Variants in ATL2 observed in about 807,000 individuals in gnomAD.
The protein encoded by ATL2 is atlastin-2.
Under a neutral mutation model 73.9 loss-of-function variants are expected in ATL2, and 31 were observed. That is an observed-to-expected ratio of 0.42 (90% CI 0.32 to 0.57). The LOEUF (loss-of-function observed/expected upper bound fraction) is 0.57. ATL2 is among the 20% of genes least tolerant of loss of function. The pLI is 0.14. For synonymous variants in ATL2, 291 were observed against 237.5 expected (o/e 1.23, Z -2.07); for missense variants, 738 against 702.6 (o/e 1.05, Z -0.57).
chr2:38,327,212 A>C (rs1246907975), intron 2 of ATL2, among the ~76,000 whole-genome samples: 1 of 152,154 alleles, frequency 6.6e-6, no homozygotes, highest in African/African-American at 2.4e-5. Flanking sequence ...AAATCTACAT[A>C]AAGAGAAAGA....
chr2:38,324,789 A>C (rs1377382392), intron 2 of ATL2, among the ~76,000 whole-genome samples: 1 of 152,244 alleles, frequency 6.6e-6, no homozygotes. Flanking sequence ...GCCACACACA[A>C]AAGGACAAAT....
intron 1 of ATL2, among the ~76,000 whole-genome samples, chr2:38,359,992 T>G (rs765526061): frequency 9.2e-5 from 14 of 151,722 alleles, no homozygotes; most frequent in Non-Finnish European, 1.9e-4. Context: ...TAGCTGGGCG[T>G]GGTGGCAGAT....
At chr2:38,370,546 G>A (rs576167385) in intron 1 of ATL2, among the ~76,000 whole-genome samples, 8 of 151,484 alleles carry the variant, frequency 5.3e-5, no homozygotes, top group South Asian at 2.1e-4. Context: ...CAAGGCGGGC[G>A]GATCACTTGT....
rs530608260 is a variant in ATL2 at position 38,299,284 on chromosome 2, C to T, written c.1172G>A (p.Arg391Lys). ...TTCCATACTTTTACAATAGGTATCT[C>T]TTGCTCCTGCTACTGCAGCAAGATT... ...ANNLAAVAGA[R>K]DTYCKSMEQV... The change falls in exon 11 of 13, where the codon AGA becomes AAA. Residue 391 changes from arginine to lysine, a missense_variant. Coordinates refer to ENST00000378954, the MANE Select transcript of ATL2 (RefSeq NM_001135673.4). 2 of 1,517,212 alleles carry T rather than the reference C, an allele frequency of 1.3e-6. No individual in the cohort carries two copies. Among genetic ancestry groups the T allele is most frequent in the Non-Finnish European group, 1.7e-6 (2 of 1,144,730 alleles). The allele number at this position is 1,517,212 out of a possible 1,614,324, so 94.0% of individuals were successfully genotyped here. A position where few individuals can be genotyped will look rare whatever the true frequency, so the allele number is the denominator to read the frequency against.
chr2:38,349,748 T>C (rs1389497960), intron 1 of ATL2, among the ~76,000 whole-genome samples: 2 of 152,022 alleles, frequency 1.3e-5, no homozygotes, highest in South Asian at 2.1e-4. Context: ...AATTCACCTA[T>C]ATTAGTTGGC....
Position 38,343,529 on chromosome 2 carries a change from A to C in ATL2, c.119-17T>G. On this transcript the variant is annotated splice_polypyrimidine_tract_variant and intron_variant, in intron 1 of 12. Transcript: ENST00000378954. ...AATTCTCACCTAGAATTTAAAAAGA[A>C]AGAAACTGGTTACTTTAATCCCTAT... The C allele has an allele frequency of 6.3e-7, 1 of 1,596,326 alleles. No individual in the cohort carries two copies. Among genetic ancestry groups the C allele is most frequent in the Admixed American group, 1.8e-5 (1 of 55,926 alleles).
intron 1 of ATL2, among the ~76,000 whole-genome samples, chr2:38,347,579 T>C (rs1670095783): frequency 3.9e-5 from 6 of 152,156 alleles, no homozygotes; most frequent in Admixed American, 3.9e-4. Flanking sequence ...CGTTTAAATG[T>C]GTACCTGATA....
chr2:38,314,386 G>A (rs1667916470), intron 6 of ATL2, among the ~76,000 whole-genome samples: 1 of 152,132 alleles, frequency 6.6e-6, no homozygotes. Context: ...CTTAATCTAA[G>A]TGAAAGCATT....
At chr2:38,323,248 A>G (rs1558408866) in intron 2 of ATL2, among the ~76,000 whole-genome samples, 1 of 152,172 alleles carries the variant, frequency 6.6e-6, no homozygotes, top group Non-Finnish European at 1.5e-5. Context: ...TCAGAAATGC[A>G]AAAGTAATCC....
chr2:38,300,515 T>G (rs1339542455), intron 9 of ATL2, 187 bp from the exon 10 acceptor site: 6 of 470,242 alleles, frequency 1.3e-5, no homozygotes, highest in Non-Finnish European at 1.9e-5. Flanking sequence ...TGCTGCTAAA[T>G]AATATCCTAG....
intron 4 of ATL2, among the ~76,000 whole-genome samples, chr2:38,315,668 A>AT (rs1667992684): frequency 6.6e-6 from 1 of 152,138 alleles, no homozygotes; most frequent in Non-Finnish European, 1.5e-5. Flanking sequence ...AGATACGATC[A>AT]TTTTTTAAAG....
chr2:38,317,600 T>C lies in ATL2; in HGVS notation c.603+935A>G, dbSNP rs1006377448. ...TTTCCTAAATTAAACATTAAGTAAT[T>C]ACTCTGCTTTTATCTCCTTTAGTTC... On this transcript the variant is annotated intron_variant, in intron 4 of 12. Transcript: ENST00000378954. Among the ~76,000 whole-genome samples, 3 of 152,224 alleles carry C rather than the reference T, an allele frequency of 2.0e-5. No individual in the cohort carries two copies. In the South Asian group the frequency reaches 6.2e-4, roughly 32 times the overall value.
intron 9 of ATL2, among the ~76,000 whole-genome samples, chr2:38,306,451 A>G (rs1014554730): frequency 6.6e-6 from 1 of 152,234 alleles, no homozygotes; most frequent in African/African-American, 2.4e-5. Flanking sequence ...TTACAGGCCA[A>G]TATCCCTGAT....
chr2:38,351,436 A>G (rs1402392908), intron 1 of ATL2, among the ~76,000 whole-genome samples: 3 of 152,102 alleles, frequency 2.0e-5, no homozygotes, highest in African/African-American at 4.8e-5. Flanking sequence ...ATATACTGAC[A>G]TATTATGCAG....
chr2:38,347,205 T>A (rs938286605), intron 1 of ATL2, among the ~76,000 whole-genome samples: 1 of 152,256 alleles, frequency 6.6e-6, no homozygotes, highest in African/African-American at 2.4e-5. Context: ...TATAGTCGTA[T>A]GCGATCTGGG....
chr2:38,297,808 T>A (rs1272334906), intron 12 of ATL2: 1 of 172,954 alleles, frequency 5.8e-6, no homozygotes, highest in Non-Finnish European at 1.2e-5. Context: ...CAAACTTCTT[T>A]TCCTTACCTT....
intron 9 of ATL2, 117 bp from the exon 10 acceptor site, chr2:38,300,445 G>A (rs1476919991): frequency 1.5e-6 from 1 of 653,668 alleles, no homozygotes; most frequent in Non-Finnish European, 2.6e-6. Context: ...TAAATTCTAG[G>A]CTTTAAAAAT....
Position 38,332,709 on chromosome 2 carries a change from G to A in ATL2, c.363+10559C>T, listed in dbSNP as rs143563452. ...ACTCCTAGTCACACAAAACCCACTT[G>A]TATAACACTACCAGAGTCCAGGGGA... On this transcript the variant is annotated intron_variant, in intron 2 of 12. Coordinates refer to ENST00000378954, the MANE Select transcript of ATL2 (RefSeq NM_001135673.4). Among the ~76,000 whole-genome samples, 834 of 152,256 alleles carry A rather than the reference G, an allele frequency of 5.5e-3. 4 individuals are homozygous for A. The highest frequency in any genetic ancestry group is 8.9e-3 in the Non-Finnish European group (604 of 68,010).
At chr2:38,327,692 T>C (rs578170026) in intron 2 of ATL2, among the ~76,000 whole-genome samples, 2 of 152,094 alleles carry the variant, frequency 1.3e-5, no homozygotes, top group African/African-American at 2.4e-5. Context: ...TCCCAGCACT[T>C]TGGGAGGCAG....
Sources: gnomAD v4.1 joint callset for allele counts (sites outside exome capture counted in the v4.1 genomes callset) on GRCh38, gnomAD v4.1.1 for gene constraint, MANE v1.5 for transcripts, NCBI Gene and HGNC (gene_info 2026-07-23, HGNC 2026-07-21) for gene names.